NDST4: variants seen among roughly 807,000 people sequenced by gnomAD.
NDST4 encodes N-deacetylase and N-sulfotransferase 4.
NDST4 carries 63 observed loss-of-function variants against 100.8 expected under a neutral mutation model. The observed-to-expected ratio is 0.62, with a 90% CI of 0.51 to 0.77. The LOEUF is 0.77. Ranked by LOEUF, NDST4 falls within the 30% of genes least tolerant of loss-of-function variation. NDST4 has a pLI of 0.00. For synonymous variants in NDST4, 377 were observed against 361.8 expected (o/e 1.04, Z -0.48); for missense variants, 943 against 1,018.4 (o/e 0.93, Z 1.01).
intron 2 of NDST4, among the ~76,000 whole-genome samples, chr4:114,982,944 CT>C (rs1344844786): frequency 6.6e-6 from 1 of 152,210 alleles, no homozygotes; most frequent in Non-Finnish European, 1.5e-5. Flanking sequence ...CAAGGTACAG[CT>C]CACGTTGTGG....
intron 6 of NDST4, among the ~76,000 whole-genome samples, chr4:114,908,918 T>C (rs1226354665): frequency 6.6e-6 from 1 of 151,724 alleles, no homozygotes; most frequent in African/African-American, 2.4e-5. Flanking sequence ...AGAATTTGTT[T>C]AATTAACTAA....
At chr4:114,911,568 T>C (rs941648963) in intron 6 of NDST4, among the ~76,000 whole-genome samples, 1 of 152,124 alleles carries the variant, frequency 6.6e-6, no homozygotes, top group Non-Finnish European at 1.5e-5. Flanking sequence ...TGGAAGAAAA[T>C]CCATGCTCAG....
intron 2 of NDST4, among the ~76,000 whole-genome samples, chr4:114,986,793 C>CATATGTATATATATATATATATAT (rs1218840726): frequency 3.3e-5 from 3 of 91,138 alleles, no homozygotes; most frequent in Admixed American, 1.2e-4. Flanking sequence ...TCCAATTATA[C>CATATGTATATATATATATATATAT]ATATATATAT....
chr4:114,999,253 T>C (rs925117441), intron 2 of NDST4, among the ~76,000 whole-genome samples: 17 of 152,092 alleles, frequency 1.1e-4, no homozygotes, highest in South Asian at 4.1e-4. Flanking sequence ...GTGGATTTAA[T>C]CATAAGCAGT....
intron 2 of NDST4, among the ~76,000 whole-genome samples, chr4:115,047,147 T>G (rs1463173847): frequency 6.6e-6 from 1 of 152,146 alleles, no homozygotes; most frequent in Non-Finnish European, 1.5e-5. Flanking sequence ...ATTTTATTTG[T>G]TATATCACAA....
chr4:115,062,517 G>A (rs1728846379), intron 2 of NDST4, among the ~76,000 whole-genome samples: 1 of 151,672 alleles, frequency 6.6e-6, no homozygotes, highest in African/African-American at 2.4e-5. Flanking sequence ...TTAAGTTGTT[G>A]TATGAATCAA....
At chr4:114,915,337 C>A (rs570976127) in intron 6 of NDST4, among the ~76,000 whole-genome samples, 2 of 152,242 alleles carry the variant, frequency 1.3e-5, no homozygotes, top group East Asian at 3.9e-4. Context: ...GATTTTATTT[C>A]TTCACAGTTC....
At chr4:114,899,575 C>A (rs1217423963) in intron 6 of NDST4, among the ~76,000 whole-genome samples, 1 of 151,498 alleles carries the variant, frequency 6.6e-6, no homozygotes, top group Non-Finnish European at 1.5e-5. Context: ...TTTCCAAATT[C>A]TTTTATTTAC....
intron 4 of NDST4, among the ~76,000 whole-genome samples, chr4:114,946,444 C>A (rs959356442): frequency 6.6e-6 from 1 of 151,884 alleles, no homozygotes; most frequent in African/African-American, 2.4e-5. Flanking sequence ...TCAAGGGGTA[C>A]GGGTTGCAAA....
chr4:114,924,025 T>C (rs1725339045), intron 6 of NDST4, among the ~76,000 whole-genome samples: 1 of 152,124 alleles, frequency 6.6e-6, no homozygotes, highest in South Asian at 2.1e-4. Context: ...CGGTAGCAAA[T>C]ATTGTATTAG....
At chr4:114,905,541 CTTTG>C (rs771732070) in intron 6 of NDST4, among the ~76,000 whole-genome samples, 8 of 151,736 alleles carry the variant, frequency 5.3e-5, no homozygotes, top group Non-Finnish European at 8.9e-5. Context: ...CTTTTCATGA[CTTTG>C]TTTTTGTCAA....
chr4:114,861,133 C>T (rs913095438), intron 7 of NDST4, among the ~76,000 whole-genome samples: 3 of 152,156 alleles, frequency 2.0e-5, no homozygotes, highest in African/African-American at 4.8e-5. Context: ...CCATGTGATG[C>T]TCATATTTTT....
chr4:115,057,823 T>C (rs76774486), intron 2 of NDST4, among the ~76,000 whole-genome samples: 1,593 of 152,136 alleles, frequency 0.01, 26 homozygotes, highest in African/African-American at 0.036. Context: ...AATTAATAGA[T>C]TAAATCATAT....
intron 2 of NDST4, among the ~76,000 whole-genome samples, chr4:114,995,029 T>A (rs932791802): frequency 1.4e-4 from 22 of 152,174 alleles, no homozygotes; most frequent in Admixed American, 3.3e-4. Context: ...GGACCAGAAG[T>A]ATAAATTTAG....
At chr4:114,973,088 A>G (rs1174434473) in intron 3 of NDST4, among the ~76,000 whole-genome samples, 1 of 152,080 alleles carries the variant, frequency 6.6e-6, no homozygotes, top group African/African-American at 2.4e-5. Context: ...AATAAAAAAT[A>G]TGATACTAAG....
At chr4:115,046,506 A>AGT (rs1413243023) in intron 2 of NDST4, among the ~76,000 whole-genome samples, 1 of 152,156 alleles carries the variant, frequency 6.6e-6, no homozygotes, top group African/African-American at 2.4e-5. Flanking sequence ...AACTGTTTGG[A>AGT]GTACATGGAA....
At chr4:115,108,062 C>T (rs1023838851) in intron 1 of NDST4, among the ~76,000 whole-genome samples, 7 of 152,014 alleles carry the variant, frequency 4.6e-5, no homozygotes, top group Non-Finnish European at 8.8e-5. Flanking sequence ...CAGGGAATCT[C>T]AATTGAATTG....
chr4:114,976,953 C>T (rs532122218), intron 3 of NDST4, among the ~76,000 whole-genome samples: 4 of 149,004 alleles, frequency 2.7e-5, no homozygotes, highest in African/African-American at 1.0e-4. Context: ...GTTATGCTTT[C>T]TATTTTTTAA....
At chr4:115,094,373 AATG>A (rs1348974327) in intron 1 of NDST4, among the ~76,000 whole-genome samples, 1 of 152,170 alleles carries the variant, frequency 6.6e-6, no homozygotes, top group Non-Finnish European at 1.5e-5. Flanking sequence ...TTGTCAGAGA[AATG>A]ATAAGAGTAA....
Sources: gnomAD v4.1 joint callset for allele counts (sites outside exome capture counted in the v4.1 genomes callset) on GRCh38, gnomAD v4.1.1 for gene constraint, MANE v1.5 for transcripts, NCBI Gene and HGNC (gene_info 2026-07-23, HGNC 2026-07-21) for gene names.